The following ITPRID1 variants were observed in gnomAD, a reference collection of about 807,000 sequenced individuals.
ITPRID1 encodes the protein ITPR interacting domain containing 1, also known as protein ITPRID1.
In ITPRID1, 96 loss-of-function variants were observed where a neutral mutation model predicts 95.4. That is an observed-to-expected ratio of 1.01 (90% CI 0.85 to 1.19). ITPRID1 has a LOEUF of 1.19. Ranked by LOEUF, ITPRID1 falls within the 50% of genes most tolerant of loss-of-function variation. ITPRID1 has a pLI of 0.00. For missense variants in ITPRID1, 1,339 were observed against 1,252.9 expected, an observed-to-expected ratio of 1.07 and a Z score of -1.04; for synonymous variants, 510 against 453.6, an observed-to-expected ratio of 1.12 and a Z score of -1.58.
At chr7:31,634,691 T>C (rs934114127) in intron 10 of ITPRID1, among the ~76,000 whole-genome samples, 6 of 152,050 alleles carry the variant, frequency 3.9e-5, no homozygotes, top group East Asian at 1.9e-4. Flanking sequence ...TAAGGAGGCA[T>C]GAAAAAAATT....
intron 10 of ITPRID1, among the ~76,000 whole-genome samples, chr7:31,600,914 A>G (rs1441136716): frequency 6.6e-6 from 1 of 152,122 alleles, no homozygotes. Context: ...TATCGTTTTT[A>G]AAGAGGTAAT....
chr7:31,514,467 TG>T (rs1465348427), intron 1 of ITPRID1, among the ~76,000 whole-genome samples: 2 of 152,084 alleles, frequency 1.3e-5, no homozygotes, highest in African/African-American at 2.4e-5. Flanking sequence ...ATTTCCTGGA[TG>T]GGGGCAGAGG....
chr7:31,628,458 T>C (rs1003725234), intron 10 of ITPRID1, among the ~76,000 whole-genome samples: 1 of 147,430 alleles, frequency 6.8e-6, no homozygotes, highest in Non-Finnish European at 1.5e-5. Flanking sequence ...CTTTTTTTTT[T>C]TTCTTTTTTT....
At chr7:31,587,837 A>T (rs576970572) in intron 10 of ITPRID1, among the ~76,000 whole-genome samples, 370 of 151,472 alleles carry the variant, frequency 2.4e-3, no homozygotes, top group African/African-American at 8.6e-3. Context: ...ATAACGCCGC[A>T]TATCTACAAC....
chr7:31,547,067 C>G (rs371176903), intron 1 of ITPRID1, among the ~76,000 whole-genome samples: 1 of 152,052 alleles, frequency 6.6e-6, no homozygotes, highest in East Asian at 1.9e-4. Context: ...ACATCAAATG[C>G]TGCCAAAAAT....
intron 10 of ITPRID1, among the ~76,000 whole-genome samples, chr7:31,592,650 T>C (rs1562593996): frequency 6.6e-6 from 1 of 152,208 alleles, no homozygotes; most frequent in Non-Finnish European, 1.5e-5. Context: ...ATAGAATTTG[T>C]ACTCTTGTGA....
At position 31,643,750 on chromosome 7, in the gene ITPRID1, C is replaced by T. The variant is rs758114282; in HGVS notation, c.2380C>T (p.Pro794Ser). The T allele has an allele frequency of 6.2e-7, 1 of 1,614,024 alleles. No homozygotes were observed. The highest frequency in any genetic ancestry group is 1.1e-5 in the South Asian group (1 of 91,088). Residue 794 changes from proline (P) to serine (S), a missense_variant, in exon 12 of 15, where the codon CCA (proline) becomes TCA (serine). Physicochemically the swap from Pro to Ser is moderately conservative, Grantham distance 74. Coordinates refer to ENST00000615280, the MANE Select transcript of ITPRID1 (RefSeq NM_001257967.3). The part of the protein sequence containing the change: ...SLDSGFSSIC[P>S]MGTCHAIPAH... ...AGACTCAGGCTTCTCTAGTATCTGC[C>T]CAATGGGCACCTGCCATGCTATACC... is the stretch of plus-strand genomic sequence containing the variant.
chr7:31,540,941 C>A (rs1783914163), intron 1 of ITPRID1, among the ~76,000 whole-genome samples: 1 of 152,174 alleles, frequency 6.6e-6, no homozygotes, highest in African/African-American at 2.4e-5. Context: ...GAAAGCACAC[C>A]ATTCCAGTCA....
chr7:31,644,361 G>T (rs1790287836), intron 12 of ITPRID1, among the ~76,000 whole-genome samples: 1 of 152,192 alleles, frequency 6.6e-6, no homozygotes, highest in Non-Finnish European at 1.5e-5. Flanking sequence ...GTAAAATAGG[G>T]AGACTATTCA....
rs1176538635 is a variant in ITPRID1, at chr7:31,652,860, A to C, written c.*31A>C. Reference sequence around the variant, plus strand: ...AGCAGGTTTGTTAACCTTCATACAAAATATAAAGGCCCAGAACAGATGTAG... The same window carrying C: ...AGCAGGTTTGTTAACCTTCATACAACATATAAAGGCCCAGAACAGATGTAG... On this transcript the variant is annotated 3_prime_UTR_variant, in exon 15 of 15. Coordinates refer to ENST00000615280, the MANE Select transcript of ITPRID1 (RefSeq NM_001257967.3). 11 of 1,596,314 alleles carry C rather than the reference A, an allele frequency of 6.9e-6. No individual in the cohort carries two copies. In the East Asian group the frequency reaches 2.5e-4, roughly 36 times the overall value.
At chr7:31,631,590 G>A (rs910377979) in intron 10 of ITPRID1, among the ~76,000 whole-genome samples, 3 of 152,070 alleles carry the variant, frequency 2.0e-5, no homozygotes, top group African/African-American at 7.2e-5. Flanking sequence ...TAATTTTACA[G>A]AAGCGGATTT....
intron 10 of ITPRID1, among the ~76,000 whole-genome samples, chr7:31,634,345 T>C (rs1789285374): frequency 6.6e-6 from 1 of 152,244 alleles, no homozygotes; most frequent in African/African-American, 2.4e-5. Context: ...ATATTAATAA[T>C]GATGTCCTGC....
intron 10 of ITPRID1, among the ~76,000 whole-genome samples, chr7:31,600,085 G>C (rs931218352): frequency 7.2e-5 from 11 of 152,134 alleles, no homozygotes; most frequent in Non-Finnish European, 5.9e-5. Flanking sequence ...AAAAAAGTCA[G>C]TAGAAATTTT....
At chr7:31,523,421 G>C (rs1783329515) in intron 1 of ITPRID1, among the ~76,000 whole-genome samples, 1 of 152,208 alleles carries the variant, frequency 6.6e-6, no homozygotes, top group African/African-American at 2.4e-5. Context: ...TATCCCTAAA[G>C]TAACTCCCAA....
intron 10 of ITPRID1, among the ~76,000 whole-genome samples, chr7:31,636,640 G>A (rs1242772024): frequency 1.3e-5 from 2 of 152,068 alleles, no homozygotes; most frequent in South Asian, 2.1e-4. Flanking sequence ...CCTGTCTCAC[G>A]CTCTCCTATC....
intron 10 of ITPRID1, among the ~76,000 whole-genome samples, chr7:31,635,125 A>G (rs555008113): frequency 6.6e-6 from 1 of 152,256 alleles, no homozygotes; most frequent in South Asian, 2.1e-4. Flanking sequence ...GTACATTTGT[A>G]TTTGTCTGTT....
At chr7:31,576,452 T>G (rs537223102) in intron 8 of ITPRID1, among the ~76,000 whole-genome samples, 3 of 152,308 alleles carry the variant, frequency 2.0e-5, no homozygotes, top group African/African-American at 7.2e-5. Flanking sequence ...AAAACCTGCT[T>G]TGGATGGATG....
Position 31,569,748 on chromosome 7 carries a change from G to A in ITPRID1, c.257-10G>A. On this transcript the variant is annotated splice_polypyrimidine_tract_variant and intron_variant, in intron 5 of 14. Coordinates refer to ENST00000615280, the MANE Select transcript of ITPRID1 (RefSeq NM_001257967.3). Reference sequence around the variant, plus strand: ...AATAAAGTTCCCCTCTACTTTTTTTGTTGTTGCAGTTTCTTTGTATGAACA... The same window carrying A: ...AATAAAGTTCCCCTCTACTTTTTTTATTGTTGCAGTTTCTTTGTATGAACA... 6.4e-7 allele frequency: 1 copy of A among 1,570,988 alleles called. No homozygotes were observed.
chr7:31,528,351 C>T (rs1783488605), intron 1 of ITPRID1, among the ~76,000 whole-genome samples: 1 of 152,116 alleles, frequency 6.6e-6, no homozygotes, highest in East Asian at 1.9e-4. Context: ...AAAATAAGGT[C>T]ATCATTTTGC....
Sources: gnomAD v4.1 joint callset for allele counts (sites outside exome capture counted in the v4.1 genomes callset) on GRCh38, gnomAD v4.1.1 for gene constraint, MANE v1.5 for transcripts, NCBI Gene and HGNC (gene_info 2026-07-23, HGNC 2026-07-21) for gene names.